The following ULK4 variants were observed in gnomAD, a reference collection of about 807,000 sequenced individuals.
ULK4 encodes the protein inactive serine/threonine-protein kinase ULK4.
ULK4 carries 133 observed loss-of-function variants against 160.6 expected under a neutral mutation model. The ratio of observed to expected loss-of-function variants is 0.83; its 90% CI spans 0.72 to 0.96. The LOEUF (loss-of-function observed/expected upper bound fraction) is 0.96. ULK4 is among the 40% of genes least tolerant of loss of function. ULK4 has a pLI of 0.00. For missense variants in ULK4, 1,580 were observed against 1,499.5 expected, an observed-to-expected ratio of 1.05 and a Z score of -0.89; for synonymous variants, 534 against 539.8, an observed-to-expected ratio of 0.99 and a Z score of 0.15.
At chr3:41,447,414 T>C (rs1357546632) in intron 34 of ULK4, among the ~76,000 whole-genome samples, 1 of 152,090 alleles carries the variant, frequency 6.6e-6, no homozygotes, top group Non-Finnish European at 1.5e-5. Flanking sequence ...AATGCATGTT[T>C]TTTTACTCAA....
intron 10 of ULK4, 58 bp from the exon 11 acceptor site, chr3:41,911,444 A>G: frequency 1.9e-6 from 3 of 1,595,772 alleles, no homozygotes; most frequent in Non-Finnish European, 2.6e-6. Context: ...TATGCAAGGC[A>G]TAACGTACAC....
chr3:41,286,126 A>G (rs2079452079), intron 35 of ULK4, among the ~76,000 whole-genome samples: 1 of 152,212 alleles, frequency 6.6e-6, no homozygotes, highest in African/African-American at 2.4e-5. Context: ...CTAATAGGCC[A>G]GGCTGAATGA....
chr3:41,762,264 T>C (rs1405534776), intron 21 of ULK4, among the ~76,000 whole-genome samples: 1 of 152,060 alleles, frequency 6.6e-6, no homozygotes, highest in Non-Finnish European at 1.5e-5. Flanking sequence ...TTGTGCCCAT[T>C]AACCACCCCC....
chr3:41,611,916 G>A (rs2032699066), intron 31 of ULK4, among the ~76,000 whole-genome samples: 1 of 151,980 alleles, frequency 6.6e-6, no homozygotes. Flanking sequence ...CAGGCTCCCT[G>A]TACTTGGGCA....
intron 36 of ULK4, among the ~76,000 whole-genome samples, chr3:41,248,185 T>G (rs1348334831): frequency 6.6e-6 from 1 of 152,222 alleles, no homozygotes; most frequent in Non-Finnish European, 1.5e-5. Flanking sequence ...TAGAGCTGTC[T>G]GTCAAACTCC....
chr3:41,631,982 G>A (rs2033766227), intron 30 of ULK4, among the ~76,000 whole-genome samples: 1 of 152,148 alleles, frequency 6.6e-6, no homozygotes, highest in Admixed American at 6.6e-5. Flanking sequence ...TGGGTCCTGA[G>A]CCTTCACTCT....
At chr3:41,348,857 C>A (rs535133329) in intron 35 of ULK4, among the ~76,000 whole-genome samples, 2 of 152,200 alleles carry the variant, frequency 1.3e-5, no homozygotes, top group South Asian at 2.1e-4. Flanking sequence ...CAGAGTGGAC[C>A]AGAGTCCTTA....
intron 31 of ULK4, among the ~76,000 whole-genome samples, chr3:41,604,475 T>C (rs1315510785): frequency 6.6e-6 from 1 of 152,110 alleles, no homozygotes; most frequent in Non-Finnish European, 1.5e-5. Context: ...AGAGCACATG[T>C]GTGTTAAACA....
intron 32 of ULK4, among the ~76,000 whole-genome samples, chr3:41,488,109 T>C (rs1439815162): frequency 6.6e-6 from 1 of 152,206 alleles, no homozygotes; most frequent in Non-Finnish European, 1.5e-5. Flanking sequence ...TAGAATTACA[T>C]CTATGACATA....
intron 32 of ULK4, among the ~76,000 whole-genome samples, chr3:41,472,198 C>CA (rs898461277): frequency 1.1e-4 from 16 of 151,170 alleles, no homozygotes; most frequent in African/African-American, 1.9e-4. Context: ...AACTAAATGT[C>CA]AAAAAAAATT....
At chr3:41,711,058 GA>G (rs2037078888) in intron 25 of ULK4, among the ~76,000 whole-genome samples, 1 of 152,186 alleles carries the variant, frequency 6.6e-6, no homozygotes, top group South Asian at 2.1e-4. Flanking sequence ...TGGGAAGACA[GA>G]CAAGCTCTTG....
intron 18 of ULK4, among the ~76,000 whole-genome samples, chr3:41,822,300 CTCT>C (rs1230869322): frequency 1.3e-5 from 2 of 152,206 alleles, no homozygotes; most frequent in African/African-American, 4.8e-5. Context: ...GCACCAGAAA[CTCT>C]TCTTAATAAC....
intron 32 of ULK4, among the ~76,000 whole-genome samples, chr3:41,501,093 T>C (rs988110903): frequency 1.3e-5 from 2 of 152,148 alleles, no homozygotes; most frequent in East Asian, 1.9e-4. Context: ...ATTAAATAGA[T>C]TGACAATTCA....
chr3:41,247,462 C>T (rs1175455579), intron 36 of ULK4, among the ~76,000 whole-genome samples: 1 of 152,188 alleles, frequency 6.6e-6, no homozygotes, highest in Admixed American at 6.5e-5. Flanking sequence ...AACTTTTTTA[C>T]TGGAGCAAAT....
intron 2 of ULK4, among the ~76,000 whole-genome samples, chr3:41,943,812 T>G (rs1169691555): frequency 2.0e-5 from 3 of 152,040 alleles, no homozygotes; most frequent in Admixed American, 6.6e-5. Flanking sequence ...CCCTCAAACT[T>G]CACTTACATT....
At chr3:41,328,916 AT>A (rs577629521) in intron 35 of ULK4, among the ~76,000 whole-genome samples, 82 of 152,212 alleles carry the variant, frequency 5.4e-4, no homozygotes, top group Admixed American at 1.6e-3. Flanking sequence ...TTGCTTTTAC[AT>A]TTTTTACTAA....
chr3:41,369,570 ATCACCTGAGG>A (rs1473365035), intron 35 of ULK4, among the ~76,000 whole-genome samples: 1 of 151,962 alleles, frequency 6.6e-6, no homozygotes, highest in African/African-American at 2.4e-5. Flanking sequence ...AGGTGGGTGG[ATCACCTGAGG>A]TCAGGAGATC....
intron 32 of ULK4, among the ~76,000 whole-genome samples, chr3:41,529,814 G>C (rs1010313612): frequency 6.6e-6 from 1 of 152,172 alleles, no homozygotes; most frequent in Non-Finnish European, 1.5e-5. Context: ...TTTTAAATTA[G>C]ATTATTTTTG....
intron 22 of ULK4, among the ~76,000 whole-genome samples, chr3:41,720,786 T>A (rs2037422200): frequency 6.6e-6 from 1 of 152,206 alleles, no homozygotes; most frequent in African/African-American, 2.4e-5. Flanking sequence ...TCATTGCTGT[T>A]GGAAATGTAA....
Sources: allele counts gnomAD v4.1 joint callset (sites outside exome capture counted in the v4.1 genomes callset), GRCh38; gene constraint gnomAD v4.1.1; transcripts MANE v1.5; gene names NCBI Gene and HGNC (gene_info 2026-07-23, HGNC 2026-07-21).